Variants in SLC4A10 observed in about 807,000 individuals in gnomAD.
The protein encoded by SLC4A10 is sodium-driven chloride bicarbonate exchanger.
A neutral mutation model predicts 137.7 loss-of-function variants in SLC4A10; 42 were observed. The ratio of observed to expected loss-of-function variants is 0.30; its 90% confidence interval spans 0.24 to 0.39. SLC4A10 has a LOEUF of 0.39. Among genes scored for constraint, SLC4A10 ranks in the 10% least tolerant of loss-of-function variants. The pLI is 1.00. For synonymous variants in SLC4A10, 474 were observed against 464.1 expected, an observed-to-expected ratio of 1.02 and a Z score of -0.27; for missense variants, 925 against 1,355.0, an observed-to-expected ratio of 0.68 and a Z score of 4.98.
At chr2:161,954,153 C>G (rs1206297316) in intron 19 of SLC4A10, among the ~76,000 whole-genome samples, 1 of 152,132 alleles carries the variant, frequency 6.6e-6, no homozygotes, top group East Asian at 1.9e-4. Flanking sequence ...GCACCATATT[C>G]TCTTGATGAT....
In SLC4A10 at chr2:161,856,358, A is replaced by AACACACACACAC. The variant is rs55983659; in HGVS notation, c.577+1257_577+1268dup. ...TAAGCAAAAACTCCAAAAATACTAAAACACACACACACACACACACACACA... is the reference window on the plus strand; with the variant it reads ...TAAGCAAAAACTCCAAAAATACTAAAACACACACACACACACACACACACACACACACACACA... On this transcript the variant is annotated intron_variant, in intron 5 of 26. Transcript: ENST00000446997. Among the ~76,000 whole-genome samples the AACACACACACAC allele has an allele frequency of 3.8e-3, 537 of 141,906 alleles. 3 individuals are homozygous for AACACACACACAC. Among genetic ancestry groups the AACACACACACAC allele is most frequent in the African/African-American group, 9.8e-3 (376 of 38,244 alleles). 93.1% of individuals were successfully genotyped at this position (141,906 alleles called of 152,430 possible). A position where few individuals can be genotyped will look rare whatever the true frequency, so the allele number is the denominator to read the frequency against.
chr2:161,926,410 G>T (rs1410107711), intron 15 of SLC4A10, among the ~76,000 whole-genome samples: 20 of 56,276 alleles, frequency 3.6e-4, no homozygotes, highest in South Asian at 6.4e-4. Flanking sequence ...TTTTTTTTTT[G>T]GTAGATCTTC....
intron 1 of SLC4A10, among the ~76,000 whole-genome samples, chr2:161,768,291 C>T (rs1337692415): frequency 6.6e-6 from 1 of 152,024 alleles, no homozygotes; most frequent in African/African-American, 2.4e-5. Flanking sequence ...TAAGTCCCTA[C>T]TCTGGCTGCT....
chr2:161,657,966 A>G (rs949295953), intron 1 of SLC4A10, among the ~76,000 whole-genome samples: 7 of 152,216 alleles, frequency 4.6e-5, no homozygotes, highest in African/African-American at 1.4e-4. Context: ...TCTTCAGGGC[A>G]ATGACAGTAA....
Position 161,933,186 on chromosome 2 carries a change from TCTTTCTTTCTTTC to T in SLC4A10, c.1998-9605_1998-9593del, listed in dbSNP as rs758690037. Among the ~76,000 whole-genome samples the T allele has an allele frequency of 4.2e-3, 124 of 29,182 alleles. 3 individuals carry two copies. In the South Asian group the frequency reaches 0.061, roughly 14 times the overall value. The allele number at this position is 29,182 out of a possible 152,430, so 19.1% of individuals were successfully genotyped here. ...TCTTTCTCTTTCCCCTTCCTTCTTT[TCTTTCTTTCTTTC>T]TTTCTTTCTTTCTTTCTTTCTTTCT... On this transcript the variant is annotated intron_variant, in intron 15 of 26. Coordinates refer to ENST00000446997, the MANE Select transcript of SLC4A10 (RefSeq NM_001178015.2).
At chr2:161,724,313 T>G (rs1314312004) in intron 1 of SLC4A10, among the ~76,000 whole-genome samples, 1 of 152,176 alleles carries the variant, frequency 6.6e-6, no homozygotes, top group Non-Finnish European at 1.5e-5. Flanking sequence ...TTCAAGATAA[T>G]TTTTAGAGTT....
chr2:161,724,186 C>T (rs1254404897), intron 1 of SLC4A10, among the ~76,000 whole-genome samples: 1 of 152,298 alleles, frequency 6.6e-6, no homozygotes, highest in South Asian at 2.1e-4. Flanking sequence ...CTTCCCCTCA[C>T]CTCAACCATC....
intron 1 of SLC4A10, among the ~76,000 whole-genome samples, chr2:161,639,408 C>T (rs1380875029): frequency 6.6e-6 from 1 of 152,068 alleles, no homozygotes. Context: ...CCCAGCACAT[C>T]AGAAAGATCA....
chr2:161,682,027 G>T (rs1418665756), intron 1 of SLC4A10, among the ~76,000 whole-genome samples: 1 of 152,094 alleles, frequency 6.6e-6, no homozygotes, highest in East Asian at 1.9e-4. Flanking sequence ...GGGACAATCA[G>T]ACTTGTCCTC....
intron 1 of SLC4A10, among the ~76,000 whole-genome samples, chr2:161,679,281 G>T (rs918220942): frequency 1.4e-4 from 22 of 152,050 alleles, no homozygotes; most frequent in African/African-American, 4.3e-4. Flanking sequence ...CTTATTGCTG[G>T]CCCATAGTCT....
intron 12 of SLC4A10, among the ~76,000 whole-genome samples, chr2:161,901,377 C>T (rs1683072368): frequency 6.6e-6 from 1 of 152,114 alleles, no homozygotes; most frequent in African/African-American, 2.4e-5. Context: ...GTCTTGTAGG[C>T]CCTATCTCAT....
rs182886194 is a variant in SLC4A10, at chr2:161,651,813, G to A, written c.48+27247G>A. 4.1e-3 allele frequency among the ~76,000 whole-genome samples: 417 copies of A among 102,546 alleles called. 4 individuals are homozygous for A. The highest frequency in any genetic ancestry group is 6.8e-3 in the Non-Finnish European group (310 of 45,678). 67.3% of individuals were successfully genotyped at this position (102,546 alleles called of 152,430 possible). ...ACACACACATCCCTCCCTGCTCTGC[G>A]CCTAGCTTGCCCTTGGCAGGTGTGG... On this transcript the variant is annotated intron_variant, in intron 1 of 26. Coordinates refer to ENST00000446997, the MANE Select transcript of SLC4A10 (RefSeq NM_001178015.2).
chr2:161,855,204 AT>A, intron 5 of SLC4A10, 74 bp downstream of exon 5: 1 of 1,408,044 alleles, frequency 7.1e-7, no homozygotes, highest in Non-Finnish European at 9.6e-7. Context: ...TTATAATTCA[AT>A]ATACGTATGA....
chr2:161,976,372 A>G (rs1044789435), intron 24 of SLC4A10, among the ~76,000 whole-genome samples: 2 of 152,218 alleles, frequency 1.3e-5, no homozygotes, highest in African/African-American at 4.8e-5. Flanking sequence ...CAAATACTGT[A>G]TGATTCTGCT....
At chr2:161,873,829 G>A in intron 7 of SLC4A10, 87 bp from the exon 8 acceptor site, 1 of 1,305,086 alleles carries the variant, frequency 7.7e-7, no homozygotes, top group South Asian at 1.3e-5. Context: ...TCTAGATCTA[G>A]TTACGTGCAT....
At chr2:161,937,431 T>C (rs971123983) in intron 15 of SLC4A10, among the ~76,000 whole-genome samples, 2 of 152,134 alleles carry the variant, frequency 1.3e-5, no homozygotes, top group African/African-American at 4.8e-5. Context: ...TTAACACTGT[T>C]TATTCTCTGT....
At chr2:161,668,569 A>T (rs1330879685) in intron 1 of SLC4A10, among the ~76,000 whole-genome samples, 2 of 151,916 alleles carry the variant, frequency 1.3e-5, no homozygotes, top group Admixed American at 1.3e-4. Context: ...ATTAGATGAT[A>T]GTGTTTTATC....
chr2:161,945,242 G>T (rs886338947), intron 16 of SLC4A10, among the ~76,000 whole-genome samples: 2 of 117,630 alleles, frequency 1.7e-5, no homozygotes, highest in Non-Finnish European at 3.4e-5. Context: ...ATATTTGTCA[G>T]TATCTCAAAA....
Position 161,964,233 on chromosome 2 carries a change from A to G in SLC4A10, c.2961A>G (p.Thr987=), listed in dbSNP as rs369750141. The G allele has an allele frequency of 1.2e-5, 19 of 1,613,526 alleles. No individual in the cohort carries two copies. The highest frequency in any genetic ancestry group is 8.5e-7 in the Non-Finnish European group (1 of 1,179,698). ...CGCTTCGAAAAGTGCATCTCTTCAC[A>G]ATTATTCAGATGAGTTGCCTTGGCC... is the stretch of plus-strand genomic sequence containing the variant. The part of the protein sequence containing the change: ...HVPLRKVHLF[T]IIQMSCLGLL... The change falls in exon 22 of 27, where the codon ACA becomes ACG. Residue 987 remains threonine (T), a synonymous_variant. Coordinates refer to ENST00000446997, the MANE Select transcript of SLC4A10 (RefSeq NM_001178015.2).
Sources: allele counts gnomAD v4.1 joint callset (sites outside exome capture counted in the v4.1 genomes callset), GRCh38; gene constraint gnomAD v4.1.1; transcripts MANE v1.5; gene names NCBI Gene and HGNC (gene_info 2026-07-23, HGNC 2026-07-21).